Variants in RTL4 observed in about 807,000 individuals in gnomAD.
RTL4 encodes retrotransposon Gag like 4.
Under a neutral mutation model 5.3 loss-of-function variants are expected in RTL4, and 4 were observed. The ratio of observed to expected loss-of-function variants is 0.75; its 90% CI spans 0.37 to 1.72. RTL4 has a LOEUF of 1.72. Among genes scored for constraint, RTL4 ranks in the 40% most tolerant of loss-of-function variants. RTL4 has a pLI of 0.04. For missense variants in RTL4, 260 were observed against 227.1 expected (o/e 1.14, Z -0.93); for synonymous variants, 98 against 87.3 (o/e 1.12, Z -0.68).
the RTL4 span, among the ~76,000 whole-genome samples, chrX:112,279,541 C>G: frequency 9.0e-6 from 1 of 111,099 alleles, no homozygotes; most frequent in South Asian, 3.8e-4. Flanking sequence ...AAAATAATTT[C>G]TTTCCATGCA....
chrX:112,422,095 T>C, the RTL4 span, among the ~76,000 whole-genome samples: 1 of 112,395 alleles, frequency 8.9e-6, no homozygotes, highest in Non-Finnish European at 1.9e-5. Context: ...ATAAGGTTTG[T>C]TATTTATGAA....
the RTL4 span, among the ~76,000 whole-genome samples, chrX:112,387,600 A>G: frequency 8.5e-3 from 946 of 111,671 alleles, 10 homozygotes; most frequent in African/African-American, 0.029. Context: ...TCTGAATGTG[A>G]TGAAGGGGTC....
chrX:112,393,507 G>T, the RTL4 span, among the ~76,000 whole-genome samples: 1 of 111,732 alleles, frequency 8.9e-6, no homozygotes, highest in Non-Finnish European at 1.9e-5. Flanking sequence ...ACATCAATAG[G>T]GGTGGCTGGA....
At chrX:112,304,688 G>A in the RTL4 span, among the ~76,000 whole-genome samples, 1 of 69,874 alleles carries the variant, frequency 1.4e-5, no homozygotes. Context: ...TCTTTTCTGT[G>A]TGGCAGCCTA....
chrX:112,293,097 T>A, the RTL4 span, among the ~76,000 whole-genome samples: 1 of 112,361 alleles, frequency 8.9e-6, no homozygotes, highest in Non-Finnish European at 1.9e-5. Flanking sequence ...GATCTTCTTC[T>A]TATGATTCTT....
chrX:112,397,133 C>T, the RTL4 span, among the ~76,000 whole-genome samples: 1 of 111,893 alleles, frequency 8.9e-6, no homozygotes, highest in Non-Finnish European at 1.9e-5. Context: ...CGTCTACATA[C>T]AGTCATTTCT....
the RTL4 span, among the ~76,000 whole-genome samples, chrX:112,368,909 T>A: frequency 3.6e-5 from 4 of 112,554 alleles, no homozygotes; most frequent in African/African-American, 1.3e-4. Context: ...ATGTATGTGG[T>A]CCCAATAACC....
At chrX:112,270,147 G>A in the RTL4 span, among the ~76,000 whole-genome samples, 1 of 112,103 alleles carries the variant, frequency 8.9e-6, no homozygotes, top group Non-Finnish European at 1.9e-5. Flanking sequence ...ACCTTTAGAT[G>A]AAGTTCAATC....
At chrX:112,324,491 T>C in the RTL4 span, among the ~76,000 whole-genome samples, 2 of 111,694 alleles carry the variant, frequency 1.8e-5, no homozygotes, top group South Asian at 7.5e-4. Flanking sequence ...TGTTTCGGTC[T>C]TTAATCCATT....
At chrX:112,091,574 T>G in the RTL4 span, among the ~76,000 whole-genome samples, 1 of 112,140 alleles carries the variant, frequency 8.9e-6, no homozygotes, top group East Asian at 2.8e-4. Flanking sequence ...GATTTCTGTT[T>G]CTAGCTTTAC....
the RTL4 span, among the ~76,000 whole-genome samples, chrX:112,114,301 G>A: frequency 2.8e-4 from 31 of 111,793 alleles, no homozygotes; most frequent in South Asian, 0.011. Context: ...CCATACTGGG[G>A]ACGGCTTGCT....
chrX:112,101,406 T>C, the RTL4 span, among the ~76,000 whole-genome samples: 2 of 111,530 alleles, frequency 1.8e-5, no homozygotes, highest in African/African-American at 6.5e-5. Context: ...AAAAGCTACA[T>C]GACTTTTTGT....
At chrX:112,360,286 T>C in the RTL4 span, among the ~76,000 whole-genome samples, 1 of 111,731 alleles carries the variant, frequency 9.0e-6, no homozygotes, top group African/African-American at 3.2e-5. Context: ...GATCCACTTA[T>C]CCTTCCCTGT....
At chrX:112,176,879 A>G in the RTL4 span, among the ~76,000 whole-genome samples, 1 of 110,741 alleles carries the variant, frequency 9.0e-6, no homozygotes, top group African/African-American at 3.3e-5. Context: ...TGCTACCTCC[A>G]TGAGATCCAC....
chrX:112,247,723 T>C, the RTL4 span, among the ~76,000 whole-genome samples: 1 of 112,405 alleles, frequency 8.9e-6, no homozygotes, highest in Non-Finnish European at 1.9e-5. Context: ...CCTTCCACTA[T>C]GCCATGCCAC....
chrX:112,438,778 T>C, the RTL4 span, among the ~76,000 whole-genome samples: 1 of 112,151 alleles, frequency 8.9e-6, no homozygotes, highest in African/African-American at 3.2e-5. Context: ...TTGGTTGTCA[T>C]ACTAATTACC....
the RTL4 span, among the ~76,000 whole-genome samples, chrX:112,151,720 C>T: frequency 8.9e-6 from 1 of 111,810 alleles, no homozygotes. Flanking sequence ...ACAGTCTCAC[C>T]TTTTGTCCCC....
At chrX:112,259,608 C>T in the RTL4 span, among the ~76,000 whole-genome samples, 1 of 110,707 alleles carries the variant, frequency 9.0e-6, no homozygotes, top group Non-Finnish European at 1.9e-5. Flanking sequence ...AATAATCATA[C>T]AGTGCTACCC....
At chrX:112,362,216 T>C in the RTL4 span, among the ~76,000 whole-genome samples, 5 of 112,054 alleles carry the variant, frequency 4.5e-5, no homozygotes, top group South Asian at 3.6e-4. Flanking sequence ...ATGCAATGGA[T>C]AGATATTGAG....
Sources: gnomAD v4.1 joint callset for allele counts (sites outside exome capture counted in the v4.1 genomes callset) on GRCh38, gnomAD v4.1.1 for gene constraint, MANE v1.5 for transcripts, NCBI Gene and HGNC (gene_info 2026-07-23, HGNC 2026-07-21) for gene names.